SLAMF8: variants seen among roughly 807,000 people sequenced by gnomAD.
SLAMF8 encodes the protein B lymphocyte activator macrophage expressed.
A neutral mutation model predicts 29.0 loss-of-function variants in SLAMF8; 23 were observed. That is an observed-to-expected ratio of 0.79 (90% CI 0.57 to 1.13). SLAMF8 has a LOEUF of 1.13. SLAMF8 is among the 50% of genes most tolerant of loss of function. The pLI is 0.00. For synonymous variants in SLAMF8, 139 were observed against 145.6 expected (o/e 0.96, Z 0.32); for missense variants, 381 against 353.1 (o/e 1.08, Z -0.63).
Position 159,835,538 on chromosome 1 carries a change from A to C in SLAMF8, c.*278A>C. ...AGAACATTCCATCCAGGACACTGGA[A>C]GTTCTCCAGGATCCAGATCCATGGG... On this transcript the variant is annotated 3_prime_UTR_variant, in exon 5 of 5. Transcript: ENST00000289707. 1 of 1,199,654 alleles carries C rather than the reference A, an allele frequency of 8.3e-7. No individual in the cohort carries two copies. The highest frequency in any genetic ancestry group is 1.0e-6 in the Non-Finnish European group (1 of 964,832). The allele number at this position is 1,199,654 out of a possible 1,614,324, so 74.3% of individuals were successfully genotyped here.
intron 1 of SLAMF8, among the ~76,000 whole-genome samples, chr1:159,829,479 G>A (rs539014014): frequency 4.2e-4 from 64 of 152,192 alleles, no homozygotes; most frequent in East Asian, 3.9e-3. Context: ...GCTCCAGGCC[G>A]CCCTCGGCTT....
rs1024980425 is a variant in SLAMF8 at position 159,835,857 on chromosome 1, G to A, written c.*597G>A. The A allele has an allele frequency of 1.0e-5, 10 of 985,460 alleles. No homozygotes were observed. Among genetic ancestry groups the A allele is most frequent in the Non-Finnish European group, 1.1e-5 (9 of 829,974 alleles). The allele number at this position is 985,460 out of a possible 1,614,324, so 61.0% of individuals were successfully genotyped here. A position where few individuals can be genotyped will look rare whatever the true frequency, so the allele number is the denominator to read the frequency against. On this transcript the variant is annotated 3_prime_UTR_variant, in exon 5 of 5. Transcript: ENST00000289707. ...CTCTTTCTGGCCTAAGGACTTTCAG[G>A]TAATCAGAGTTCATGGGCCCTCAAA...
Position 159,836,464 on chromosome 1 carries a change from G to T in SLAMF8, c.*1204G>T. The T allele has an allele frequency of 5.1e-6, 5 of 985,394 alleles. No individual in the cohort carries two copies. The highest frequency in any genetic ancestry group is 6.0e-6 in the Non-Finnish European group (5 of 829,924). 61.0% of individuals were successfully genotyped at this position (985,394 alleles called of 1,614,324 possible). On this transcript the variant is annotated 3_prime_UTR_variant, in exon 5 of 5. Transcript: ENST00000289707. ...CACTTAAGGAGCTAAACTTACCTTC[G>T]GGGATTATTAGCTGATAAGGTTCAC...
intron 1 of SLAMF8, among the ~76,000 whole-genome samples, chr1:159,827,559 T>A (rs1023468945): frequency 3.3e-5 from 5 of 152,142 alleles, no homozygotes; most frequent in African/African-American, 1.2e-4. Context: ...ATGCCTGAGT[T>A]CCCTTCCTTG....
In SLAMF8 at chr1:159,833,367, C is replaced by T. The variant is rs1647645218; in HGVS notation, c.779C>T (p.Ser260Leu). The T allele has an allele frequency of 1.2e-6, 2 of 1,613,982 alleles. No individual in the cohort carries two copies. Among genetic ancestry groups the T allele is most frequent in the Non-Finnish European group, 8.5e-7 (1 of 1,180,014 alleles). ...TCTGCCTGGCACTGGTGCCCCTGCTCAGGTAGGAGTCCTGCAGGTGCAGGA... is the reference window on the plus strand; with the variant it reads ...TCTGCCTGGCACTGGTGCCCCTGCTTAGGTAGGAGTCCTGCAGGTGCAGGA... The part of the protein sequence containing the change: ...LFSAWHWCPC[S>L]GKKKKDVHAD... Residue 260 changes from serine (S) to leucine (L), a missense_variant and splice_region_variant, in exon 4 of 5, where the codon TCA becomes TTA. By Grantham distance (145) the Ser-to-Leu change is moderately radical. Coordinates refer to ENST00000289707, the MANE Select transcript of SLAMF8 (RefSeq NM_020125.3).
rs1349369201 is a variant in SLAMF8 at position 159,833,326 on chromosome 1, G to A, written c.738G>A (p.Met246Ile). 1 of 1,614,170 alleles carries A rather than the reference G, an allele frequency of 6.2e-7. No individual in the cohort carries two copies. Among genetic ancestry groups the A allele is most frequent in the Non-Finnish European group, 8.5e-7 (1 of 1,180,010 alleles). Residue 246 changes from methionine (M) to isoleucine (I), a missense_variant, in exon 4 of 5, where the codon ATG becomes ATA. Met to Ile is a conservative substitution (Grantham distance 10, BLOSUM62 1). Coordinates refer to ENST00000289707, the MANE Select transcript of SLAMF8 (RefSeq NM_020125.3). The stretch of plus-strand genomic sequence containing the variant: ...TGGTGCCTGTCTCGCTGCTCCTGAT[G>A]CTGGTTACTCTCTTCTCTGCCTGGC... ...LVVVPVSLLL[M>I]LVTLFSAWHW...
intron 2 of SLAMF8, among the ~76,000 whole-genome samples, 192 bp downstream of exon 2, chr1:159,830,384 TTTGCCATTTCACAGTGC>T (rs1296264300): frequency 6.6e-6 from 1 of 152,066 alleles, no homozygotes; most frequent in Non-Finnish European, 1.5e-5. Flanking sequence ...GCAGCCAGGC[TTTGCCATTTCACAGTGC>T]TTGCCTGAAC....
Position 159,836,858 on chromosome 1 carries a change from C to T in SLAMF8, c.*1598C>T. The T allele has an allele frequency of 1.0e-6, 1 of 985,550 alleles. No homozygotes were observed. 61.1% of individuals were successfully genotyped at this position (985,550 alleles called of 1,614,324 possible). On this transcript the variant is annotated 3_prime_UTR_variant, in exon 5 of 5. Transcript: ENST00000289707. ...ACCCACTTCTCTCCTATCACCTTCCCCCAAGATTACCTGAACAGGGTCCAT... is the reference window on the plus strand; with the variant it reads ...ACCCACTTCTCTCCTATCACCTTCCTCCAAGATTACCTGAACAGGGTCCAT...
At position 159,829,997 on chromosome 1, in the gene SLAMF8, G is replaced by T. The variant is rs201081794; in HGVS notation, c.172G>T (p.Glu58Ter). 6.7e-5 allele frequency: 108 copies of T among 1,614,096 alleles called. No homozygotes were observed. Among genetic ancestry groups the T allele is most frequent in the Non-Finnish European group, 9.1e-5 (107 of 1,180,044 alleles). ...AIWRSLWPSE[E>*]LLATFFRGSL... ...CTGGCGATCTCTCTGGCCTTCAGAA[G>T]AGCTCCTGGCCACGTTTTTCCGAGG... The change falls in exon 2 of 5, where the codon GAG becomes TAG. Residue 58 changes from glutamate to a stop codon, truncating the protein, a stop_gained. Coordinates refer to ENST00000289707, the MANE Select transcript of SLAMF8 (RefSeq NM_020125.3). LOFTEE classifies it high-confidence loss of function.
rs1000436525 is a variant in SLAMF8 at position 159,835,455 on chromosome 1, C to T, written c.*195C>T. On this transcript the variant is annotated 3_prime_UTR_variant, in exon 5 of 5. Transcript: ENST00000289707. Reference sequence around the variant, plus strand: ...AAGCACCAGCACGTTTCACACCTCCCCCTTCCCTCTCCCATCTTCTCATAT... The same window carrying T: ...AAGCACCAGCACGTTTCACACCTCCTCCTTCCCTCTCCCATCTTCTCATAT... The T allele has an allele frequency of 2.9e-6, 4 of 1,363,530 alleles. No individual in the cohort carries two copies. The highest frequency in any genetic ancestry group is 3.7e-5 in the South Asian group (2 of 54,038). 84.5% of individuals were successfully genotyped at this position (1,363,530 alleles called of 1,614,324 possible). A position where few individuals can be genotyped will look rare whatever the true frequency, so the allele number is the denominator to read the frequency against.
intron 4 of SLAMF8, 126 bp downstream of exon 4, chr1:159,833,495 C>A: frequency 2.9e-6 from 4 of 1,364,032 alleles, no homozygotes; most frequent in Non-Finnish European, 4.0e-6. Context: ...CACCTCATCT[C>A]TTGGCCTTCT....
rs754643302 is a variant in SLAMF8 at position 159,833,182 on chromosome 1, G to A, written c.673+1G>A. 2.5e-6 allele frequency: 4 copies of A among 1,614,050 alleles called. No homozygotes were observed. In the Admixed American group the frequency reaches 6.7e-5, roughly 27 times the overall value. On this transcript the variant is annotated splice_donor_variant, in intron 3 of 4. Transcript: ENST00000289707. LOFTEE classifies it high-confidence loss of function. ...TGGGATAGCTGTCATCATGAGGCAGGTATGCTAAGGGCCAGCAGTCAGTGG... is the reference window on the plus strand; with the variant it reads ...TGGGATAGCTGTCATCATGAGGCAGATATGCTAAGGGCCAGCAGTCAGTGG...
chr1:159,836,397 C>A lies in SLAMF8; in HGVS notation c.*1137C>A. On this transcript the variant is annotated 3_prime_UTR_variant, in exon 5 of 5. Coordinates refer to ENST00000289707, the MANE Select transcript of SLAMF8 (RefSeq NM_020125.3). ...AAATACATTCTGCCCCTGAATGATTCTGTCTAGAAAAGCTCTGGAGTATTG... is the reference window on the plus strand; with the variant it reads ...AAATACATTCTGCCCCTGAATGATTATGTCTAGAAAAGCTCTGGAGTATTG... The A allele has an allele frequency of 1.0e-6, 1 of 985,430 alleles. No individual in the cohort carries two copies. Among genetic ancestry groups the A allele is most frequent in the Non-Finnish European group, 1.2e-6 (1 of 829,946 alleles). The allele number at this position is 985,430 out of a possible 1,614,324, so 61.0% of individuals were successfully genotyped here. A position where few individuals can be genotyped will look rare whatever the true frequency, so the allele number is the denominator to read the frequency against.
chr1:159,833,206 G>A, intron 3 of SLAMF8, 25 bp downstream of exon 3: 1 of 1,614,110 alleles, frequency 6.2e-7, no homozygotes, highest in Non-Finnish European at 8.5e-7. Flanking sequence ...AGCAGTCAGT[G>A]GTTGAGGGCT....
intron 2 of SLAMF8, among the ~76,000 whole-genome samples, chr1:159,832,653 G>C (rs769517317): frequency 6.6e-6 from 1 of 152,252 alleles, no homozygotes; most frequent in East Asian, 1.9e-4. Flanking sequence ...GCAGCAGGAG[G>C]TACAGCTGGA....
In SLAMF8 at chr1:159,836,657, C is replaced by A. The variant is rs536724602; in HGVS notation, c.*1397C>A. 5.5e-5 allele frequency: 54 copies of A among 985,356 alleles called. No homozygotes were observed. Among genetic ancestry groups the A allele is most frequent in the Non-Finnish European group, 6.1e-5 (51 of 829,960 alleles). 61.0% of individuals were successfully genotyped at this position (985,356 alleles called of 1,614,324 possible). ...TGTCAGCCCTGTCCAAGGACCTTCCCTCTTCTCCCCAGTTCCTGGGCAATC... is the reference window on the plus strand; with the variant it reads ...TGTCAGCCCTGTCCAAGGACCTTCCATCTTCTCCCCAGTTCCTGGGCAATC... On this transcript the variant is annotated 3_prime_UTR_variant, in exon 5 of 5. Coordinates refer to ENST00000289707, the MANE Select transcript of SLAMF8 (RefSeq NM_020125.3).
rs1647991820 is a variant in SLAMF8 at position 159,836,985 on chromosome 1, A to AT, written c.*1726dup. 1.0e-6 allele frequency: 1 copy of AT among 985,298 alleles called. No homozygotes were observed. Among genetic ancestry groups the AT allele is most frequent in the Non-Finnish European group, 1.2e-6 (1 of 829,940 alleles). The allele number at this position is 985,298 out of a possible 1,614,324, so 61.0% of individuals were successfully genotyped here. On this transcript the variant is annotated 3_prime_UTR_variant, in exon 5 of 5. Transcript: ENST00000289707. ...GCAAAACTGGCCTCAGTCCCTAAAA[A>AT]TGATGTGGAAAGGAAAGCCCAGGAT...
intron 1 of SLAMF8, among the ~76,000 whole-genome samples, chr1:159,827,479 C>T (rs546493089): frequency 4.1e-4 from 62 of 152,182 alleles, no homozygotes; most frequent in African/African-American, 1.4e-3. Flanking sequence ...GGGTGGCCGA[C>T]GGTGGTGTGA....
Position 159,835,236 on chromosome 1 carries a change from C to G in SLAMF8, c.834C>G (p.Asn278Lys). The G allele has an allele frequency of 1.2e-6, 2 of 1,614,000 alleles. No homozygotes were observed. Among genetic ancestry groups the G allele is most frequent in the Non-Finnish European group, 1.7e-6 (2 of 1,179,996 alleles). ...ACAGAGTGGGTCCAGAGACAGAGAACCCCCTTGTGCAGGATCTGCCATAAA... is the reference window on the plus strand; with the variant it reads ...ACAGAGTGGGTCCAGAGACAGAGAAGCCCCTTGTGCAGGATCTGCCATAAA... ...HADRVGPETENPLVQDLP is the reference protein window; with the variant it reads ...HADRVGPETEKPLVQDLP The change falls in exon 5 of 5, where the codon AAC (asparagine) becomes AAG (lysine). Residue 278 changes from asparagine to lysine, a missense_variant. Physicochemically the swap from Asn to Lys is moderately conservative, Grantham distance 94. Coordinates refer to ENST00000289707, the MANE Select transcript of SLAMF8 (RefSeq NM_020125.3).
Sources: allele counts gnomAD v4.1 joint callset (sites outside exome capture counted in the v4.1 genomes callset), GRCh38; gene constraint gnomAD v4.1.1; transcripts MANE v1.5; gene names NCBI Gene and HGNC (gene_info 2026-07-23, HGNC 2026-07-21).